The following ALS2 variants were observed in gnomAD, a reference collection of about 807,000 sequenced individuals.
ALS2 encodes the protein alsin.
ALS2 carries 117 observed loss-of-function variants against 203.4 expected under a neutral mutation model. The observed-to-expected ratio is 0.58, with a 90% confidence interval of 0.50 to 0.67. The LOEUF is 0.67. Among genes scored for constraint, ALS2 ranks in the 30% least tolerant of loss-of-function variants. The pLI is 0.00. For synonymous variants in ALS2, 718 were observed against 725.9 expected, an observed-to-expected ratio of 0.99 and a Z score of 0.17; for missense variants, 1,715 against 1,989.4, an observed-to-expected ratio of 0.86 and a Z score of 2.62.
At chr2:201,734,758 T>TA (rs1469528007) in intron 12 of ALS2, among the ~76,000 whole-genome samples, 1 of 152,160 alleles carries the variant, frequency 6.6e-6, no homozygotes, top group Non-Finnish European at 1.5e-5. Flanking sequence ...CTCATGTCCT[T>TA]ACCTATAATC....
intron 1 of ALS2, among the ~76,000 whole-genome samples, chr2:201,776,607 C>G (rs1380347172): frequency 6.6e-6 from 1 of 152,152 alleles, no homozygotes; most frequent in Admixed American, 6.5e-5. Flanking sequence ...AGTCCTGACA[C>G]AAACTACTTA....
At chr2:201,712,355 A>T (rs1478912792) in intron 25 of ALS2, among the ~76,000 whole-genome samples, 1 of 152,208 alleles carries the variant, frequency 6.6e-6, no homozygotes, top group Admixed American at 6.5e-5. Context: ...GAATACTGGT[A>T]ATTTATTTAA....
intron 23 of ALS2, among the ~76,000 whole-genome samples, chr2:201,721,807 G>C (rs1023062890): frequency 2.0e-5 from 3 of 152,072 alleles, no homozygotes; most frequent in African/African-American, 7.2e-5. Context: ...GGGACTACAG[G>C]TGCCCGCCAC....
intron 23 of ALS2, among the ~76,000 whole-genome samples, chr2:201,721,734 G>A (rs554843343): frequency 3.9e-5 from 6 of 152,226 alleles, no homozygotes; most frequent in African/African-American, 1.4e-4. Flanking sequence ...CACGATTTCG[G>A]CTCACTGCAA....
At position 201,704,114 on chromosome 2, in the gene ALS2, A is replaced by T; in HGVS notation, c.4935+8T>A. 1.3e-6 allele frequency: 2 copies of T among 1,594,946 alleles called. No individual in the cohort carries two copies. Among genetic ancestry groups the T allele is most frequent in the Non-Finnish European group, 8.6e-7 (1 of 1,162,648 alleles). On this transcript the variant is annotated splice_region_variant and intron_variant, in intron 33 of 33. Coordinates refer to ENST00000264276, the MANE Select transcript of ALS2 (RefSeq NM_020919.4). Reference sequence around the variant, plus strand: ...GATAAGAAAGTATTAAATAATAACTATACTCACCTTCAAGGTGGTGAACAT... The same window carrying T: ...GATAAGAAAGTATTAAATAATAACTTTACTCACCTTCAAGGTGGTGAACAT...
At chr2:201,745,651 T>C (rs1692585702) in intron 9 of ALS2, among the ~76,000 whole-genome samples, 1 of 151,916 alleles carries the variant, frequency 6.6e-6, no homozygotes, top group Non-Finnish European at 1.5e-5. Context: ...AGGTAAACAG[T>C]AGGAAATAAA....
chr2:201,757,878 A>C (rs1693497247), intron 4 of ALS2, 119 bp from the exon 5 acceptor site: 5 of 759,922 alleles, frequency 6.6e-6, no homozygotes, highest in East Asian at 2.7e-5. Flanking sequence ...AAACGACAGA[A>C]GTTCTCTTCA....
chr2:201,709,858 A>C, intron 27 of ALS2, 23 bp downstream of exon 27: 2 of 1,613,834 alleles, frequency 1.2e-6, no homozygotes, highest in East Asian at 4.5e-5. Flanking sequence ...TAGCCCGCAG[A>C]CTTTAGTGAA....
chr2:201,772,582 TTATATAA>T (rs1694447642), intron 1 of ALS2, among the ~76,000 whole-genome samples: 1 of 152,142 alleles, frequency 6.6e-6, no homozygotes, highest in Non-Finnish European at 1.5e-5. Context: ...ACAGGAAGTG[TTATATAA>T]TATATAGTTT....
At chr2:201,762,203 G>C (rs897323781) in intron 3 of ALS2, among the ~76,000 whole-genome samples, 1 of 152,230 alleles carries the variant, frequency 6.6e-6, no homozygotes, top group African/African-American at 2.4e-5. Flanking sequence ...CAAAAAATAA[G>C]ACAAAACAGA....
At chr2:201,745,729 A>G (rs1366039458) in intron 9 of ALS2, among the ~76,000 whole-genome samples, 1 of 152,142 alleles carries the variant, frequency 6.6e-6, no homozygotes, top group East Asian at 1.9e-4. Context: ...CGGGCAGATC[A>G]CTTGAGGTCA....
chr2:201,760,239 A>T lies in ALS2; in HGVS notation c.1113+642T>A, dbSNP rs1174221708. On this transcript the variant is annotated intron_variant, in intron 4 of 33. Transcript: ENST00000264276. ...AATGGGAGGATCGCTTGAACCTGGG[A>T]GATCGAGGCTGCAGTGAGCCACAAT... 3.9e-6 allele frequency: 3 copies of T among 760,084 alleles called. No individual in the cohort carries two copies. In the African/African-American group the frequency reaches 5.7e-5, roughly 14 times the overall value. 47.1% of individuals were successfully genotyped at this position (760,084 alleles called of 1,614,324 possible).
At chr2:201,706,347 TC>T (rs1689711386) in intron 29 of ALS2, among the ~76,000 whole-genome samples, 1 of 149,472 alleles carries the variant, frequency 6.7e-6, no homozygotes, top group Non-Finnish European at 1.5e-5. Context: ...GATTGCACCA[TC>T]GCACTCCTGC....
intron 5 of ALS2, among the ~76,000 whole-genome samples, chr2:201,756,304 TTA>T (rs531701534): frequency 6.6e-6 from 1 of 150,744 alleles, no homozygotes; most frequent in Admixed American, 6.6e-5. Context: ...ATCATATATA[TTA>T]TATATATATA....
At chr2:201,731,843 T>C (rs958213056) in intron 13 of ALS2, among the ~76,000 whole-genome samples, 2 of 152,156 alleles carry the variant, frequency 1.3e-5, no homozygotes, top group African/African-American at 4.8e-5. Context: ...CCTTCAGAGA[T>C]GGATAGGTGA....
intron 27 of ALS2, among the ~76,000 whole-genome samples, chr2:201,708,825 C>G (rs1244386471): frequency 6.6e-6 from 1 of 152,054 alleles, no homozygotes; most frequent in Non-Finnish European, 1.5e-5. Flanking sequence ...ATGCAGTCTT[C>G]TCTATTTTTG....
rs376555047 is a variant in ALS2, at chr2:201,718,378, G to C, written c.3703-168C>G. ...GGGTTAAAGTGATCCTCCTGCCTCA[G>C]CCTCCCAAGTAGCTGGGATCACAGG... On this transcript the variant is annotated intron_variant, in intron 23 of 33. Coordinates refer to ENST00000264276, the MANE Select transcript of ALS2 (RefSeq NM_020919.4). Among the ~76,000 whole-genome samples, 41 of 152,266 alleles carry C rather than the reference G, an allele frequency of 2.7e-4. No individual in the cohort carries two copies. In the South Asian group the frequency reaches 8.5e-3, roughly 32 times the overall value.
chr2:201,737,662 C>T (rs11676759), intron 12 of ALS2, among the ~76,000 whole-genome samples: 75,225 of 152,004 alleles, frequency 0.49, 20,921 homozygotes, highest in Non-Finnish European at 0.62. Flanking sequence ...TGGCTCACGC[C>T]TGTAATCCCG....
intron 1 of ALS2, among the ~76,000 whole-genome samples, chr2:201,774,081 T>C (rs1234992262): frequency 1.3e-5 from 2 of 152,074 alleles, no homozygotes; most frequent in African/African-American, 4.8e-5. Context: ...TTTTGAAAAA[T>C]GTTGAAATGG....
Sources: allele counts gnomAD v4.1 joint callset (sites outside exome capture counted in the v4.1 genomes callset), GRCh38; gene constraint gnomAD v4.1.1; transcripts MANE v1.5; gene names NCBI Gene and HGNC (gene_info 2026-07-23, HGNC 2026-07-21).